ZKSCAN2: variants seen among roughly 807,000 people sequenced by gnomAD.
ZKSCAN2 encodes the protein zinc finger protein with KRAB and SCAN domains 2.
Under a neutral mutation model 90.5 loss-of-function variants are expected in ZKSCAN2, and 38 were observed. The observed-to-expected ratio is 0.42, with a 90% CI of 0.32 to 0.55. ZKSCAN2 has a LOEUF of 0.55. ZKSCAN2 is among the 20% of genes least tolerant of loss of function. The pLI, the probability that ZKSCAN2 is intolerant of heterozygous loss-of-function variation, is 0.11. For missense variants in ZKSCAN2, 1,167 were observed against 1,202.6 expected (o/e 0.97, Z 0.44); for synonymous variants, 429 against 421.6 (o/e 1.02, Z -0.22).
chr16:25,253,068 C>T (rs748036185), intron 2 of ZKSCAN2, 31 bp from the exon 3 acceptor site: 1 of 1,558,476 alleles, frequency 6.4e-7, no homozygotes, highest in East Asian at 2.2e-5. Context: ...GATTAGTAAT[C>T]TGGGCTTTGA....
rs1294156760 is a variant in ZKSCAN2 at position 25,239,755 on chromosome 16, C to G, written c.*61G>C. ...ACACTTCATAGCTAAGAAAAGATTGCTTCCAAGAATGAGATTAGGGTAAAA... is the reference window on the plus strand; with the variant it reads ...ACACTTCATAGCTAAGAAAAGATTGGTTCCAAGAATGAGATTAGGGTAAAA... On this transcript the variant is annotated 3_prime_UTR_variant, in exon 7 of 7. Coordinates refer to ENST00000328086, the MANE Select transcript of ZKSCAN2 (RefSeq NM_001012981.5). The G allele has an allele frequency of 7.2e-7, 1 of 1,389,060 alleles. No homozygotes were observed. The highest frequency in any genetic ancestry group is 9.8e-7 in the Non-Finnish European group (1 of 1,019,422). 86.0% of individuals were successfully genotyped at this position (1,389,060 alleles called of 1,614,324 possible). A position where few individuals can be genotyped will look rare whatever the true frequency, so the allele number is the denominator to read the frequency against.
chr16:25,251,877 G>C (rs751972224), intron 4 of ZKSCAN2, 32 bp downstream of exon 4: 3 of 1,610,776 alleles, frequency 1.9e-6, no homozygotes, highest in Admixed American at 1.7e-5. Flanking sequence ...AAAGCTCCAA[G>C]TCTTATATTT....
chr16:25,249,352 C>T (rs183961524), intron 4 of ZKSCAN2, among the ~76,000 whole-genome samples: 10 of 152,254 alleles, frequency 6.6e-5, no homozygotes, highest in Non-Finnish European at 1.2e-4. Flanking sequence ...TGCAGTGGCA[C>T]GATCTCGACT....
Position 25,255,195 on chromosome 16 carries a change from T to C in ZKSCAN2, c.586+11A>G. Reference sequence around the variant, plus strand: ...CTCTGCACTAGGCGTGCTCCGAGTCTTCCCTCTTACCATTCTTGGGTAAGG... The same window carrying C: ...CTCTGCACTAGGCGTGCTCCGAGTCCTCCCTCTTACCATTCTTGGGTAAGG... On this transcript the variant is annotated intron_variant, in intron 2 of 6. Coordinates refer to ENST00000328086, the MANE Select transcript of ZKSCAN2 (RefSeq NM_001012981.5). 8.8e-6 allele frequency: 14 copies of C among 1,594,416 alleles called. No individual in the cohort carries two copies. Among genetic ancestry groups the C allele is most frequent in the Non-Finnish European group, 1.2e-5 (14 of 1,172,902 alleles).
intron 4 of ZKSCAN2, among the ~76,000 whole-genome samples, chr16:25,248,884 A>G (rs193068132): frequency 1.3e-5 from 2 of 152,364 alleles, no homozygotes; most frequent in East Asian, 3.9e-4. Flanking sequence ...TAAGATACGG[A>G]AGCAACCAGG....
rs774274750 is a variant in ZKSCAN2 at position 25,256,965 on chromosome 16, C to T, written c.163G>A (p.Asp55Asn). Residue 55 changes from aspartate to asparagine, a missense_variant, in exon 1 of 7, where the codon GAT becomes AAT. Transcript: ENST00000328086. ...AAAGCTTCATGGGGTCCAGTCACAT[C>T]CTCATAACAGAATTGCCTGAAGCAT... ...RKCFRQFCYE[D>N]VTGPHEAFSK... is the part of the protein sequence containing the mutation. 2 of 1,614,238 alleles carry T rather than the reference C, an allele frequency of 1.2e-6. No individual in the cohort carries two copies. The highest frequency in any genetic ancestry group is 2.2e-5 in the East Asian group (1 of 44,890).
chr16:25,256,007 A>AAT (rs1963096685), intron 1 of ZKSCAN2, among the ~76,000 whole-genome samples: 1 of 152,260 alleles, frequency 6.6e-6, no homozygotes, highest in Admixed American at 6.5e-5. Flanking sequence ...CCAGGACATG[A>AAT]ATATATACAG....
At position 25,256,738 on chromosome 16, in the gene ZKSCAN2, T is replaced by TA; in HGVS notation, c.389dup (p.Arg131LysfsTer77). 1 of 1,611,616 alleles carries TA rather than the reference T, an allele frequency of 6.2e-7. No individual in the cohort carries two copies. Among genetic ancestry groups the TA allele is most frequent in the Non-Finnish European group, 8.5e-7 (1 of 1,178,918 alleles). On this transcript the variant is annotated frameshift_variant, in exon 1 of 7. Transcript: ENST00000328086. LOFTEE classifies it high-confidence loss of function. ...GAAAATCCTCTCTCACCTGCTGTCT[T>TA]AGTCTTCCAGTCTCTTTCTCCAAAT...
rs754038117 is a variant in ZKSCAN2, at chr16:25,256,757, T to A, written c.371A>T (p.Glu124Val). The A allele has an allele frequency of 6.2e-7, 1 of 1,613,736 alleles. No homozygotes were observed. Among genetic ancestry groups the A allele is most frequent in the East Asian group, 2.2e-5 (1 of 44,890 alleles). ...EEAVALVVHL[E>V]KETGRLRQQV... ...CTGTCTTAGTCTTCCAGTCTCTTTC[T>A]CCAAATGCACTACCAGGGCCACCGC... The change falls in exon 1 of 7, where the codon GAG becomes GTG. Residue 124 changes from glutamate to valine, a missense_variant. Glu to Val is a moderately radical substitution (Grantham distance 121). Coordinates refer to ENST00000328086, the MANE Select transcript of ZKSCAN2 (RefSeq NM_001012981.5).
At chr16:25,256,050 A>C (rs1416564450) in intron 1 of ZKSCAN2, among the ~76,000 whole-genome samples, 4 of 152,252 alleles carry the variant, frequency 2.6e-5, no homozygotes, top group Non-Finnish European at 5.9e-5. Flanking sequence ...ATTAATATCC[A>C]CATCTATCTG....
Position 25,257,506 on chromosome 16 carries a change from C to T in ZKSCAN2, c.-379G>A. The T allele has an allele frequency of 8.0e-6, 8 of 996,260 alleles. No individual in the cohort carries two copies. The highest frequency in any genetic ancestry group is 9.6e-6 in the Non-Finnish European group (8 of 837,686). The allele number at this position is 996,260 out of a possible 1,614,324, so 61.7% of individuals were successfully genotyped here. A position where few individuals can be genotyped will look rare whatever the true frequency, so the allele number is the denominator to read the frequency against. Reference sequence around the variant, plus strand: ...GGGCCGGGAGGGGGTGTGTCCGCTACTCCCGGGTCGGGCGCGGAGAGGCGA... The same window carrying T: ...GGGCCGGGAGGGGGTGTGTCCGCTATTCCCGGGTCGGGCGCGGAGAGGCGA... On this transcript the variant is annotated 5_prime_UTR_variant, in exon 1 of 7. Transcript: ENST00000328086.
intron 5 of ZKSCAN2, among the ~76,000 whole-genome samples, chr16:25,245,435 A>G (rs1962917053): frequency 6.6e-6 from 1 of 152,166 alleles, no homozygotes; most frequent in Admixed American, 6.5e-5. Flanking sequence ...TTAGTCATGG[A>G]TACATTCCCT....
In ZKSCAN2 at chr16:25,255,257, G is replaced by T. The variant is rs1304102539; in HGVS notation, c.535C>A (p.His179Asn). 1.9e-6 allele frequency: 3 copies of T among 1,612,632 alleles called. No individual in the cohort carries two copies. Among genetic ancestry groups the T allele is most frequent in the Non-Finnish European group, 2.5e-6 (3 of 1,179,714 alleles). The change falls in exon 2 of 7, where the codon CAC becomes AAC. Residue 179 changes from histidine (H) to asparagine (N), a missense_variant. Coordinates refer to ENST00000328086, the MANE Select transcript of ZKSCAN2 (RefSeq NM_001012981.5). ...CGCTTTCGGTTCAGCTGTTCCTGGT[G>T]TCCTGAGTGGAGGCTTCCAGGTTCC... is the stretch of plus-strand genomic sequence containing the variant. ...REEPGSLHSG[H>N]QEQLNRKRER...
intron 2 of ZKSCAN2, among the ~76,000 whole-genome samples, chr16:25,254,584 A>G (rs1401502979): frequency 6.6e-6 from 1 of 152,210 alleles, no homozygotes; most frequent in Non-Finnish European, 1.5e-5. Context: ...TGTAGAATGT[A>G]GATCTTATTT....
chr16:25,244,985 C>T (rs975554332), intron 5 of ZKSCAN2, among the ~76,000 whole-genome samples: 1 of 152,316 alleles, frequency 6.6e-6, no homozygotes. Context: ...GTGGTTTCTT[C>T]CAGGCCTATG....
In ZKSCAN2 at chr16:25,244,044, C is replaced by T. The variant is rs759491560; in HGVS notation, c.1722G>A (p.Ala574=). 48 of 1,614,040 alleles carry T rather than the reference C, an allele frequency of 3.0e-5. No individual in the cohort carries two copies. The highest frequency in any genetic ancestry group is 6.7e-5 in the African/African-American group (5 of 74,912). The change falls in exon 6 of 7, where the codon GCG becomes GCA. Residue 574 remains alanine (A), a synonymous_variant. Coordinates refer to ENST00000328086, the MANE Select transcript of ZKSCAN2 (RefSeq NM_001012981.5). ...VKNGHVLESC[A]FYKEMDALIN... ...TCAGGGCATCCATCTCCTTGTAGAACGCGCAGGACTCTAGCACGTGGCCAT... is the reference window on the plus strand; with the variant it reads ...TCAGGGCATCCATCTCCTTGTAGAATGCGCAGGACTCTAGCACGTGGCCAT...
intron 2 of ZKSCAN2, among the ~76,000 whole-genome samples, chr16:25,254,886 TG>T (rs1963073633): frequency 6.6e-6 from 1 of 151,088 alleles, no homozygotes; most frequent in Non-Finnish European, 1.5e-5. Flanking sequence ...CTCAACCTCC[TG>T]GGTTCAAGCA....
Position 25,240,288 on chromosome 16 carries a change from C to G in ZKSCAN2, c.2432G>C (p.Ser811Thr), listed in dbSNP as rs765084098. The change falls in exon 7 of 7, where the codon AGC becomes ACC. Residue 811 changes from serine (S) to threonine (T), a missense_variant. Physicochemically the swap from Ser to Thr is moderately conservative, Grantham distance 58. Coordinates refer to ENST00000328086, the MANE Select transcript of ZKSCAN2 (RefSeq NM_001012981.5). ...KPFKCLDCGK[S>T]FNDSSNFGAH... ...ACCAAAATTTGAGGAGTCATTAAAG[C>G]TTTTTCCACAGTCAAGACATTTAAA... The G allele has an allele frequency of 1.7e-5, 28 of 1,613,942 alleles. No individual in the cohort carries two copies. The highest frequency in any genetic ancestry group is 1.3e-4 in the Admixed American group (8 of 59,986).
intron 4 of ZKSCAN2, among the ~76,000 whole-genome samples, chr16:25,249,410 A>G (rs1331093998): frequency 6.6e-6 from 1 of 152,038 alleles, no homozygotes; most frequent in African/African-American, 2.4e-5. Flanking sequence ...CAGACTCCCA[A>G]GTAGCTGGGA....
Sources: allele counts gnomAD v4.1 joint callset (sites outside exome capture counted in the v4.1 genomes callset), GRCh38; gene constraint gnomAD v4.1.1; transcripts MANE v1.5; gene names NCBI Gene and HGNC (gene_info 2026-07-23, HGNC 2026-07-21).